The following CD109 variants were observed in gnomAD, a reference collection of about 807,000 sequenced individuals.
CD109 encodes CD109 molecule.
In CD109, 149 loss-of-function variants were observed where a neutral mutation model predicts 165.8. The ratio of observed to expected loss-of-function variants is 0.90; its 90% CI spans 0.79 to 1.03. CD109 has a LOEUF of 1.03. CD109 is among the 50% of genes least tolerant of loss of function. The pLI is 0.00. For missense variants in CD109, 1,712 were observed against 1,677.8 expected, an observed-to-expected ratio of 1.02 and a Z score of -0.36; for synonymous variants, 585 against 592.1, an observed-to-expected ratio of 0.99 and a Z score of 0.18.
At chr6:73,681,911 C>T in the CD109 span, among the ~76,000 whole-genome samples, 8 of 152,048 alleles carry the variant, frequency 5.3e-5, no homozygotes, top group African/African-American at 7.2e-5. Context: ...CTGGAAATTC[C>T]GATTTTAAAA....
intron 15 of CD109, among the ~76,000 whole-genome samples, chr6:73,775,617 C>G (rs1041773045): frequency 6.6e-6 from 1 of 152,132 alleles, no homozygotes; most frequent in South Asian, 2.1e-4. Context: ...TTTCATTACT[C>G]AGGTATGAAG....
chr6:73,742,992 AGGCAGTGTTG>A (rs759320415), intron 5 of CD109, among the ~76,000 whole-genome samples: 9 of 152,286 alleles, frequency 5.9e-5, no homozygotes, highest in East Asian at 3.9e-4. Flanking sequence ...TTCCATTGAG[AGGCAGTGTTG>A]GGCAGTGTTG....
rs386407559 is a variant in CD109 at position 73,725,504 on chromosome 6, C to CTTTTTTTTTTT, written c.276+2236_276+2246dup. Reference sequence around the variant, plus strand: ...AACTAGAAATTTGTCTACTACACTTCTTTTTTTTTTTTTTTTTTTTTGAGA... The same window carrying CTTTTTTTTTTT: ...AACTAGAAATTTGTCTACTACACTTCTTTTTTTTTTTTTTTTTTTTTTTTTTTTTTTTGAGA... On this transcript the variant is annotated intron_variant, in intron 3 of 32. Coordinates refer to ENST00000287097, the MANE Select transcript of CD109 (RefSeq NM_133493.5). Among the ~76,000 whole-genome samples, 352 of 89,374 alleles carry CTTTTTTTTTTT rather than the reference C, an allele frequency of 3.9e-3. 17 individuals are homozygous for CTTTTTTTTTTT. Among genetic ancestry groups the CTTTTTTTTTTT allele is most frequent in the African/African-American group, 0.011 (222 of 20,740 alleles). The allele number at this position is 89,374 out of a possible 152,430, so 58.6% of individuals were successfully genotyped here.
At chr6:73,742,024 G>A (rs1182905411) in intron 5 of CD109, among the ~76,000 whole-genome samples, 2 of 151,988 alleles carry the variant, frequency 1.3e-5, no homozygotes, top group African/African-American at 2.4e-5. Flanking sequence ...TACACATAAC[G>A]TAAAATTTGC....
At chr6:73,698,518 TA>T (rs961604887) in intron 2 of CD109, among the ~76,000 whole-genome samples, 85 of 149,066 alleles carry the variant, frequency 5.7e-4, no homozygotes, top group African/African-American at 1.8e-3. Flanking sequence ...AAGAGTTATT[TA>T]AAAAAAAAAA....
chr6:73,763,576 G>T lies in CD109; in HGVS notation c.998G>T (p.Gly333Val), dbSNP rs774492837. 3.3e-6 allele frequency: 5 copies of T among 1,525,354 alleles called. No individual in the cohort carries two copies. The East Asian group carries it at 9.2e-5, about 28-fold the overall frequency. 94.5% of individuals were successfully genotyped at this position (1,525,354 alleles called of 1,614,324 possible). ...CTAAATTGTGCAATTTCCAAAAAAG[G>T]TATTTCAAGAAATGTAAGCACTAAT... ...ILTTVTESVT[G>V]ISRNVSTNVF... The change falls in exon 10 of 33, where the codon GGT (glycine) becomes GTT (valine). Residue 333 changes from glycine (G) to valine (V), a missense_variant and splice_region_variant. Transcript: ENST00000287097.
At chr6:73,697,608 GT>G in intron 2 of CD109, 36 bp downstream of exon 2, 1 of 1,573,150 alleles carries the variant, frequency 6.4e-7, no homozygotes, top group Non-Finnish European at 8.7e-7. Flanking sequence ...CCCTTCTGCA[GT>G]AATAACTGGA....
chr6:73,702,646 G>A (rs544831067), intron 2 of CD109, among the ~76,000 whole-genome samples: 8 of 152,230 alleles, frequency 5.3e-5, no homozygotes, highest in Non-Finnish European at 1.2e-4. Context: ...GGGCTCTGGA[G>A]CCTGGCTACC....
intron 4 of CD109, 122 bp from the exon 5 acceptor site, chr6:73,736,261 C>T (rs915050788): frequency 9.4e-6 from 9 of 953,822 alleles, no homozygotes; most frequent in South Asian, 3.6e-5. Flanking sequence ...ATATTTGTGC[C>T]GTATTTTGGA....
intron 2 of CD109, among the ~76,000 whole-genome samples, chr6:73,719,687 A>G (rs776287344): frequency 3.3e-5 from 5 of 152,156 alleles, no homozygotes; most frequent in African/African-American, 7.2e-5. Flanking sequence ...GGTATTCTCA[A>G]TTCCATCCCC....
chr6:73,689,352 C>G, the CD109 span, among the ~76,000 whole-genome samples: 3 of 152,246 alleles, frequency 2.0e-5, no homozygotes, highest in South Asian at 6.2e-4. Flanking sequence ...GAACCCTCAA[C>G]CTAGGGGATC....
At chr6:73,712,696 A>T (rs146371131) in intron 2 of CD109, among the ~76,000 whole-genome samples, 1 of 152,358 alleles carries the variant, frequency 6.6e-6, no homozygotes, top group Non-Finnish European at 1.5e-5. Context: ...TGTAAATCAA[A>T]TGGCCAGTTC....
chr6:73,783,868 A>T, intron 19 of CD109, 44 bp downstream of exon 19: 1 of 1,064,302 alleles, frequency 9.4e-7, no homozygotes, highest in Non-Finnish European at 1.4e-6. Context: ...GGTGACATTA[A>T]GCTAATACAG....
chr6:73,773,574 T>C (rs1288820181), intron 15 of CD109, among the ~76,000 whole-genome samples: 2 of 152,180 alleles, frequency 1.3e-5, no homozygotes, highest in African/African-American at 2.4e-5. Context: ...GTTCTATTTT[T>C]GTTACTCTGT....
chr6:73,703,160 T>G (rs572377717), intron 2 of CD109, among the ~76,000 whole-genome samples: 1 of 152,346 alleles, frequency 6.6e-6, no homozygotes, highest in East Asian at 1.9e-4. Context: ...TTGAAGTTAG[T>G]TGTATCTGAG....
At chr6:73,700,964 G>C (rs139325117) in intron 2 of CD109, among the ~76,000 whole-genome samples, 1 of 151,526 alleles carries the variant, frequency 6.6e-6, no homozygotes, top group South Asian at 2.1e-4. Flanking sequence ...ACCATGCCTG[G>C]CTAATTTTTT....
intron 5 of CD109, among the ~76,000 whole-genome samples, chr6:73,745,781 T>C (rs540373980): frequency 3.9e-5 from 6 of 152,312 alleles, no homozygotes; most frequent in African/African-American, 1.4e-4. Flanking sequence ...CAGGCTGGAG[T>C]GCAGTGGCAC....
At chr6:73,771,386 T>G (rs778281190) in intron 14 of CD109, 43 bp from the exon 15 acceptor site, 1 of 1,547,962 alleles carries the variant, frequency 6.5e-7, no homozygotes, top group Non-Finnish European at 8.8e-7. Flanking sequence ...GAATATGCTT[T>G]AAAAAAGTGA....
At chr6:73,809,779 C>G (rs1259609364) in intron 26 of CD109, among the ~76,000 whole-genome samples, 1 of 151,932 alleles carries the variant, frequency 6.6e-6, no homozygotes, top group Non-Finnish European at 1.5e-5. Flanking sequence ...TTTAAAAAAG[C>G]AACATATAGG....
Sources: allele counts gnomAD v4.1 joint callset (sites outside exome capture counted in the v4.1 genomes callset), GRCh38; gene constraint gnomAD v4.1.1; transcripts MANE v1.5; gene names NCBI Gene and HGNC (gene_info 2026-07-23, HGNC 2026-07-21).